FBXW7: variants seen among roughly 807,000 people sequenced by gnomAD.
FBXW7 encodes the protein F-box/WD repeat-containing protein 7.
In FBXW7, 11 loss-of-function variants were observed where a neutral mutation model predicts 86.3. That is an observed-to-expected ratio of 0.13 (90% confidence interval 0.08 to 0.21). The LOEUF is 0.21. FBXW7 is among the 10% of genes least tolerant of loss of function. FBXW7 has a pLI of 1.00. For synonymous variants in FBXW7, 313 were observed against 297.9 expected (o/e 1.05, Z -0.52); for missense variants, 488 against 847.4 (o/e 0.58, Z 5.27).
chr4:152,411,164 A>G, intron 4 of FBXW7, 139 bp downstream of exon 4: 1 of 1,233,338 alleles, frequency 8.1e-7, no homozygotes, highest in East Asian at 2.6e-5. Flanking sequence ...ACCTTCTGTA[A>G]GACAAAAAAC....
intron 4 of FBXW7, among the ~76,000 whole-genome samples, chr4:152,400,617 G>C (rs1455297378): frequency 2.0e-5 from 3 of 152,036 alleles, no homozygotes; most frequent in African/African-American, 4.8e-5. Flanking sequence ...AAAGTGCTGG[G>C]ATTATAGGTG....
At chr4:152,517,608 C>G (rs548514865) in intron 2 of FBXW7, among the ~76,000 whole-genome samples, 4 of 152,276 alleles carry the variant, frequency 2.6e-5, no homozygotes, top group African/African-American at 9.6e-5. Context: ...GGGACCTTGA[C>G]CATGTTTAAC....
At chr4:152,356,480 T>C (rs1732397473) in intron 4 of FBXW7, among the ~76,000 whole-genome samples, 1 of 152,202 alleles carries the variant, frequency 6.6e-6, no homozygotes, top group Non-Finnish European at 1.5e-5. Context: ...TGTGTTTATA[T>C]TCCTATGTCA....
intron 2 of FBXW7, among the ~76,000 whole-genome samples, chr4:152,413,455 G>A (rs1468506330): frequency 6.6e-6 from 1 of 152,024 alleles, no homozygotes; most frequent in Non-Finnish European, 1.5e-5. Context: ...AATTGAAAAT[G>A]TTCCTCACTT....
At chr4:152,417,598 T>C (rs1445329860) in intron 2 of FBXW7, among the ~76,000 whole-genome samples, 2 of 151,866 alleles carry the variant, frequency 1.3e-5, no homozygotes, top group Non-Finnish European at 1.5e-5. Context: ...ATCCATATAG[T>C]AAAGAAGCCC....
rs2126878602 is a variant in FBXW7, at chr4:152,411,471, C to T, written c.333G>A (p.Glu111=). Residue 111 remains glutamate, a synonymous_variant, in exon 4 of 14, where the codon GAG becomes GAA. Coordinates refer to ENST00000281708, the MANE Select transcript of FBXW7 (RefSeq NM_001349798.2). ...GGTCCATCTCCTCCTCCTCCTCATC[C>T]TCCTCATCTTGTTCACCAGCATGTT... is the stretch of plus-strand genomic sequence containing the variant. ...DEEHAGEQDE[E]DEEEEEMDQE... 1 of 1,613,540 alleles carries T rather than the reference C, an allele frequency of 6.2e-7. No homozygotes were observed. Among genetic ancestry groups the T allele is most frequent in the Non-Finnish European group, 8.5e-7 (1 of 1,179,774 alleles).
At chr4:152,428,284 C>A (rs1739560545) in intron 2 of FBXW7, among the ~76,000 whole-genome samples, 1 of 151,976 alleles carries the variant, frequency 6.6e-6, no homozygotes, top group South Asian at 2.1e-4. Context: ...AGAGGCCATA[C>A]CAAGCAGAAA....
chr4:152,403,386 G>A (rs1202557537), intron 4 of FBXW7, among the ~76,000 whole-genome samples: 6 of 151,714 alleles, frequency 4.0e-5, no homozygotes, highest in Admixed American at 1.3e-4. Context: ...GCTGAGGCAG[G>A]ATAATCGCTT....
chr4:152,505,668 G>A (rs574328238), intron 2 of FBXW7, among the ~76,000 whole-genome samples: 141 of 151,888 alleles, frequency 9.3e-4, no homozygotes, highest in African/African-American at 3.2e-3. Context: ...CACACACATG[G>A]AACTGTAATC....
chr4:152,336,623 A>G (rs1730149886), intron 7 of FBXW7, among the ~76,000 whole-genome samples: 1 of 152,100 alleles, frequency 6.6e-6, no homozygotes, highest in African/African-American at 2.4e-5. Context: ...CGTCACTTTC[A>G]TAAGCCAAAT....
At chr4:152,384,298 T>C (rs1455219958) in intron 4 of FBXW7, among the ~76,000 whole-genome samples, 1 of 152,072 alleles carries the variant, frequency 6.6e-6, no homozygotes, top group Admixed American at 6.6e-5. Context: ...AATGAATGAA[T>C]GAATAAACAA....
chr4:152,498,827 G>T (rs1397568951), intron 2 of FBXW7, among the ~76,000 whole-genome samples: 1 of 152,042 alleles, frequency 6.6e-6, no homozygotes, highest in African/African-American at 2.4e-5. Flanking sequence ...GGCATTCCTG[G>T]TAAGAAAAAA....
chr4:152,512,695 T>C (rs562573132), intron 2 of FBXW7, among the ~76,000 whole-genome samples: 3 of 152,126 alleles, frequency 2.0e-5, no homozygotes, highest in South Asian at 2.1e-4. Context: ...GGCAAATCCA[T>C]AGAGATAGGA....
intron 2 of FBXW7, among the ~76,000 whole-genome samples, chr4:152,498,972 G>A (rs1194750858): frequency 6.6e-6 from 1 of 152,076 alleles, no homozygotes; most frequent in Non-Finnish European, 1.5e-5. Context: ...ATCAATCAGG[G>A]CTCTAAGCTA....
chr4:152,453,902 G>A (rs1203548857), intron 2 of FBXW7, among the ~76,000 whole-genome samples: 2 of 151,924 alleles, frequency 1.3e-5, no homozygotes, highest in Non-Finnish European at 2.9e-5. Flanking sequence ...TATTTAACAG[G>A]TACTGAAATA....
chr4:152,355,513 A>G (rs779366898), intron 4 of FBXW7, among the ~76,000 whole-genome samples: 1 of 152,150 alleles, frequency 6.6e-6, no homozygotes, highest in Non-Finnish European at 1.5e-5. Flanking sequence ...TTTGTCATCT[A>G]TATTTTTAGA....
chr4:152,359,211 C>T (rs2126689364), intron 4 of FBXW7, among the ~76,000 whole-genome samples: 1 of 152,222 alleles, frequency 6.6e-6, no homozygotes, highest in East Asian at 1.9e-4. Context: ...AAATAAGTCA[C>T]CTCCTATGTC....
intron 4 of FBXW7, among the ~76,000 whole-genome samples, chr4:152,373,632 A>C (rs1451654439): frequency 6.6e-6 from 1 of 152,010 alleles, no homozygotes; most frequent in African/African-American, 2.4e-5. Flanking sequence ...CTGATCACCT[A>C]CTTAGCAAAC....
intron 5 of FBXW7, among the ~76,000 whole-genome samples, chr4:152,347,414 G>C (rs572786569): frequency 6.6e-6 from 1 of 152,170 alleles, no homozygotes; most frequent in African/African-American, 2.4e-5. Flanking sequence ...CTTCTCCTAT[G>C]ACTGGTCTTT....
Sources: gnomAD v4.1 joint callset for allele counts (sites outside exome capture counted in the v4.1 genomes callset) on GRCh38, gnomAD v4.1.1 for gene constraint, MANE v1.5 for transcripts, NCBI Gene and HGNC (gene_info 2026-07-23, HGNC 2026-07-21) for gene names.